The following SCN2A variants were observed in gnomAD, a reference collection of about 807,000 sequenced individuals.
SCN2A encodes the protein sodium channel protein type 2 subunit alpha.
SCN2A carries 20 observed loss-of-function variants against 188.7 expected under a neutral mutation model. The ratio of observed to expected loss-of-function variants is 0.11; its 90% CI spans 0.07 to 0.15. The LOEUF is 0.15. SCN2A is among the 10% of genes least tolerant of loss of function. The probability of loss-of-function intolerance (pLI) is 1.00; values close to 1 mark genes in which losing one functional copy is unlikely to be tolerated. For synonymous variants in SCN2A, 804 were observed against 833.1 expected (o/e 0.97, Z 0.60); for missense variants, 1,278 against 2,445.0 (o/e 0.52, Z 10.07).
At chr2:165,256,435 A>G (rs934541391) in intron 1 of SCN2A, among the ~76,000 whole-genome samples, 1 of 151,994 alleles carries the variant, frequency 6.6e-6, no homozygotes, top group Non-Finnish European at 1.5e-5. Flanking sequence ...TTTCCTTTTC[A>G]ATTTACTATC....
Position 165,344,593 on chromosome 2 carries a change from A to C in SCN2A, c.2601A>C (p.Leu867=). 1.2e-6 allele frequency: 2 copies of C among 1,614,124 alleles called. No individual in the cohort carries two copies. Among genetic ancestry groups the C allele is most frequent in the South Asian group, 1.1e-5 (1 of 91,076 alleles). The change falls in exon 16 of 27, where the codon CTA becomes CTC. Residue 867 remains leucine, a synonymous_variant. Coordinates refer to ENST00000375437, the MANE Select transcript of SCN2A (RefSeq NM_001040142.2). ...AGTTGGCAAAATCTTGGCCAACTCT[A>C]AATATGCTAATTAAGATCATTGGCA... ...VFKLAKSWPT[L]NMLIKIIGNS... is the part of the protein sequence containing the mutation.
At chr2:165,294,218 C>T in intron 1 of SCN2A, 1 of 575,916 alleles carries the variant, frequency 1.7e-6, no homozygotes, top group Non-Finnish European at 2.2e-6. Flanking sequence ...GGGAAATCTG[C>T]AGAGGGACCA....
Position 165,246,221 on chromosome 2 carries a change from G to C in SCN2A, c.-52+6581G>C, listed in dbSNP as rs552617205. On this transcript the variant is annotated intron_variant, in intron 1 of 26. Coordinates refer to ENST00000375437, the MANE Select transcript of SCN2A (RefSeq NM_001040142.2). The stretch of plus-strand genomic sequence containing the variant: ...ATGAATGTGTAATCCTTAGAAGATA[G>C]GAATTTAGCTCCAAGAACACTGGAA... Among the ~76,000 whole-genome samples, 135 of 152,304 alleles carry C rather than the reference G, an allele frequency of 8.9e-4. 1 individual carries two copies. Among genetic ancestry groups the C allele is most frequent in the African/African-American group, 3.2e-3 (132 of 41,564 alleles).
Position 165,327,004 on chromosome 2 carries a change from TCA to T in SCN2A, c.2149+23_2149+24del. On this transcript the variant is annotated intron_variant, in intron 13 of 26. Coordinates refer to ENST00000375437, the MANE Select transcript of SCN2A (RefSeq NM_001040142.2). ...TGGAAGGTATGTTAAAAGTCCTGCG[TCA>T]CAGTTACTTGGTGCTTTGGTAATGA... is the stretch of plus-strand genomic sequence containing the variant. 6.2e-7 allele frequency: 1 copy of T among 1,613,656 alleles called. No homozygotes were observed. Among genetic ancestry groups the T allele is most frequent in the Non-Finnish European group, 8.5e-7 (1 of 1,179,674 alleles).
intron 13 of SCN2A, chr2:165,328,451 A>G (rs1386729854): frequency 1.0e-6 from 1 of 985,260 alleles, no homozygotes; most frequent in Non-Finnish European, 1.2e-6. Flanking sequence ...GCCATAGCAA[A>G]ACCACTGAGA....
chr2:165,304,038 A>G (rs1696983920), intron 3 of SCN2A, among the ~76,000 whole-genome samples: 1 of 152,148 alleles, frequency 6.6e-6, no homozygotes, highest in African/African-American at 2.4e-5. Flanking sequence ...AAGGCTGTTA[A>G]TTTCCACCTT....
intron 3 of SCN2A, among the ~76,000 whole-genome samples, chr2:165,300,919 A>G (rs1337185056): frequency 6.6e-6 from 1 of 151,420 alleles, no homozygotes; most frequent in East Asian, 1.9e-4. Flanking sequence ...AAGCAAGGAG[A>G]CTGGGACCGA....
intron 4 of SCN2A, 142 bp downstream of exon 4, chr2:165,308,079 A>T (rs1329008288): frequency 1.4e-6 from 1 of 728,532 alleles, no homozygotes; most frequent in African/African-American, 1.7e-5. Context: ...TTCTGTCACT[A>T]AATGTCTTCT....
intron 20 of SCN2A, chr2:165,372,871 G>A (rs1701113781): frequency 8.2e-6 from 2 of 242,898 alleles, no homozygotes; most frequent in Admixed American, 5.1e-5. Flanking sequence ...AAGTTTTACA[G>A]ATCTGTAGAG....
At chr2:165,306,784 T>C (rs768752631) in intron 3 of SCN2A, among the ~76,000 whole-genome samples, 1 of 152,114 alleles carries the variant, frequency 6.6e-6, no homozygotes, top group Non-Finnish European at 1.5e-5. Context: ...TATTTCATTA[T>C]GTGTAAGTAA....
chr2:165,344,926 C>T lies in SCN2A; in HGVS notation c.2919+15C>T. The T allele has an allele frequency of 1.2e-6, 2 of 1,613,448 alleles. No homozygotes were observed. Among genetic ancestry groups the T allele is most frequent in the Non-Finnish European group, 1.7e-6 (2 of 1,179,390 alleles). ...GAAATCTAGTGGTATGTAGCAAAAA[C>T]ATTTTCCTCATTTTCATTAAAAGAT... On this transcript the variant is annotated intron_variant, in intron 16 of 26. Transcript: ENST00000375437.
At chr2:165,275,043 G>A (rs935229882) in intron 1 of SCN2A, among the ~76,000 whole-genome samples, 3 of 152,210 alleles carry the variant, frequency 2.0e-5, no homozygotes, top group Non-Finnish European at 4.4e-5. Flanking sequence ...ACTGAGGTTG[G>A]CAGCAACTGC....
intron 1 of SCN2A, among the ~76,000 whole-genome samples, chr2:165,242,509 T>C (rs1049600673): frequency 1.3e-4 from 20 of 152,136 alleles, no homozygotes; most frequent in Non-Finnish European, 2.5e-4. Flanking sequence ...AGGTCATAAA[T>C]TAATTTTAAG....
chr2:165,315,590 G>A lies in SCN2A; in HGVS notation c.1503G>A (p.Leu501=), dbSNP rs267598958. Residue 501 remains leucine, a synonymous_variant, in exon 11 of 27, where the codon CTG becomes CTA. Coordinates refer to ENST00000375437, the MANE Select transcript of SCN2A (RefSeq NM_001040142.2). ...SKLSSKSEKE[L]KNRRKKKKQK... Reference sequence around the variant, plus strand: ...TGAGCTCCAAAAGTGAAAAAGAGCTGAAAAACAGAAGAAAGAAAAAGAAAC... The same window carrying A: ...TGAGCTCCAAAAGTGAAAAAGAGCTAAAAAACAGAAGAAAGAAAAAGAAAC... 6.2e-7 allele frequency: 1 copy of A among 1,613,878 alleles called. No individual in the cohort carries two copies. Among genetic ancestry groups the A allele is most frequent in the Non-Finnish European group, 8.5e-7 (1 of 1,179,928 alleles).
rs1048007370 is a variant in SCN2A at position 165,370,442 on chromosome 2, C to T, written c.3849+143C>T. The T allele has an allele frequency of 4.7e-6, 4 of 842,658 alleles. No homozygotes were observed. In the African/African-American group the frequency reaches 6.7e-5, roughly 14 times the overall value. 52.2% of individuals were successfully genotyped at this position (842,658 alleles called of 1,614,324 possible). A position where few individuals can be genotyped will look rare whatever the true frequency, so the allele number is the denominator to read the frequency against. ...TTTCTCATTTCACAGTGAGAGGATG[C>T]CTCAAAACATTTTTTACCAATTTAA... On this transcript the variant is annotated intron_variant, in intron 20 of 26. Transcript: ENST00000375437.
intron 3 of SCN2A, among the ~76,000 whole-genome samples, chr2:165,302,806 G>A (rs1262538504): frequency 6.6e-6 from 1 of 152,034 alleles, no homozygotes; most frequent in Non-Finnish European, 1.5e-5. Context: ...TGATGATCCA[G>A]GCTCCATGTC....
rs59867116 is a variant in SCN2A, at chr2:165,376,699, G to GGTGT, written c.4255-883_4255-880dup. Among the ~76,000 whole-genome samples, 581 of 150,572 alleles carry GGTGT rather than the reference G, an allele frequency of 3.9e-3. 3 individuals are homozygous for GGTGT. The highest frequency in any genetic ancestry group is 9.5e-3 in the African/African-American group (392 of 41,150). ...CTGGCCCCAAGGGGGGTTGAAAAGG[G>GGTGT]GTGTGTGTGTGTGTGTGTATGTGTC... On this transcript the variant is annotated intron_variant, in intron 22 of 26. Coordinates refer to ENST00000375437, the MANE Select transcript of SCN2A (RefSeq NM_001040142.2).
chr2:165,311,874 T>A (rs1209501510), intron 7 of SCN2A, 151 bp from the exon 8 acceptor site: 4 of 642,206 alleles, frequency 6.2e-6, no homozygotes, highest in Non-Finnish European at 1.1e-5. Flanking sequence ...ATTTGTTCAA[T>A]ATTGTGAAAA....
intron 7 of SCN2A, among the ~76,000 whole-genome samples, 171 bp from the exon 8 acceptor site, chr2:165,311,854 A>G (rs943250239): frequency 2.0e-5 from 3 of 152,158 alleles, no homozygotes; most frequent in Non-Finnish European, 2.9e-5. Flanking sequence ...CAAAAATGTT[A>G]TATATTGATA....
Sources: allele counts gnomAD v4.1 joint callset (sites outside exome capture counted in the v4.1 genomes callset), GRCh38; gene constraint gnomAD v4.1.1; transcripts MANE v1.5; gene names NCBI Gene and HGNC (gene_info 2026-07-23, HGNC 2026-07-21).